Variants in LETM1 observed in about 807,000 individuals in gnomAD.
The protein encoded by LETM1 is leucine zipper and EF-hand containing transmembrane protein 1.
Under a neutral mutation model 74.5 loss-of-function variants are expected in LETM1, and 50 were observed. The ratio of observed to expected loss-of-function variants is 0.67; its 90% CI spans 0.53 to 0.85. LETM1 has a LOEUF of 0.85. LETM1 is among the 40% of genes least tolerant of loss of function. The pLI is 0.00. For missense variants in LETM1, 824 were observed against 967.8 expected, an observed-to-expected ratio of 0.85 and a Z score of 1.97; for synonymous variants, 446 against 407.1, an observed-to-expected ratio of 1.10 and a Z score of -1.15.
rs767063439 is a variant in LETM1, at chr4:1,822,289, C to G, written c.1500G>C (p.Val500=). The change falls in exon 10 of 14, where the codon GTG becomes GTC. Residue 500 remains valine, a synonymous_variant. Coordinates refer to ENST00000302787, the MANE Select transcript of LETM1 (RefSeq NM_012318.3). ...TCCCCGGCCTTTGGGGAGCAGCTACCACACGTTCGGGCTCAAAATCCTTCT... is the reference window on the plus strand; with the variant it reads ...TCCCCGGCCTTTGGGGAGCAGCTACGACACGTTCGGGCTCAAAATCCTTCT... ...EVAKDFEPER[V]VAAPQRPGTE... is the part of the protein sequence containing the mutation. 7 of 1,529,838 alleles carry G rather than the reference C, an allele frequency of 4.6e-6. No individual in the cohort carries two copies. Among genetic ancestry groups the G allele is most frequent in the Admixed American group, 1.9e-5 (1 of 52,126 alleles). 94.8% of individuals were successfully genotyped at this position (1,529,838 alleles called of 1,614,324 possible).
In LETM1 at chr4:1,814,582, G is replaced by A. The variant is rs753284434; in HGVS notation, c.2071-9C>T. 1 of 1,612,212 alleles carries A rather than the reference G, an allele frequency of 6.2e-7. No homozygotes were observed. Among genetic ancestry groups the A allele is most frequent in the South Asian group, 1.1e-5 (1 of 90,788 alleles). ...TCCACCAGCTCAATCACCTACACAC[G>A]TGGGAAAGGGAGAGGCTCAGGTGGC... On this transcript the variant is annotated splice_polypyrimidine_tract_variant and intron_variant, in intron 13 of 13. Coordinates refer to ENST00000302787, the MANE Select transcript of LETM1 (RefSeq NM_012318.3).
In LETM1 at chr4:1,855,883, T is replaced by A. The variant is rs1320756932; in HGVS notation, c.68A>T (p.Tyr23Phe). 2 of 1,237,956 alleles carry A rather than the reference T, an allele frequency of 1.6e-6. No individual in the cohort carries two copies. The highest frequency in any genetic ancestry group is 2.0e-6 in the Non-Finnish European group (2 of 993,504). The allele number at this position is 1,237,956 out of a possible 1,614,324, so 76.7% of individuals were successfully genotyped here. Residue 23 changes from tyrosine (Y) to phenylalanine (F), a missense_variant, in exon 1 of 14, where the codon TAC becomes TTC. By Grantham distance (22) the Tyr-to-Phe change is conservative (BLOSUM62 3). Transcript: ENST00000302787. ...APARLPPPPR[Y>F]TVPRGSPGDP... ...CCGCCGCTTACCCCGCGGGACGGTG[T>A]ACCGAGGCGGCGGCGGGAGGCGGGC...
rs535548688 is a variant in LETM1 at position 1,820,221 on chromosome 4, C to G, written c.1609-749G>C. Among the ~76,000 whole-genome samples the G allele has an allele frequency of 3.9e-5, 6 of 152,292 alleles. No individual in the cohort carries two copies. In the South Asian group the frequency reaches 1.2e-3, roughly 32 times the overall value. ...ACAGTGCTGATATCACAGGTGTGGG[C>G]CCCGCGCCCAGCCTCTCTGTTTGGT... On this transcript the variant is annotated intron_variant, in intron 10 of 13. Transcript: ENST00000302787.
chr4:1,836,541 A>G lies in LETM1; in HGVS notation c.626T>C (p.Leu209Pro). 1.9e-6 allele frequency: 3 copies of G among 1,614,020 alleles called. No homozygotes were observed. The highest frequency in any genetic ancestry group is 2.5e-6 in the Non-Finnish European group (3 of 1,180,006). ...FLRICADLFR[L>P]VPFLVFVVVP... ...CACCACGAACACAAGGAACGGCACC[A>G]GGCGGAAGAGGTCAGCGCAGATCCG... Residue 209 changes from leucine to proline, a missense_variant, in exon 4 of 14, where the codon CTG (leucine) becomes CCG (proline). Around this residue, in one of 4 missense-constraint regions of LETM1, gnomAD observed 269 missense variants for 348.8 expected, o/e 0.77. Transcript: ENST00000302787. This position sits in a 1 kb window ranked among gnomAD's most constrained non-coding sequence, Gnocchi z 5.8.
Position 1,817,073 on chromosome 4 carries a change from C to T in LETM1, c.1744-159G>A, listed in dbSNP as rs531945380. The stretch of plus-strand genomic sequence containing the variant: ...CCAGCCTGGCCAATGTGGTGAAACC[C>T]CGCCTCTACTAAAAATACAAAAATT... On this transcript the variant is annotated intron_variant, in intron 11 of 13. Coordinates refer to ENST00000302787, the MANE Select transcript of LETM1 (RefSeq NM_012318.3). 3.9e-5 allele frequency among the ~76,000 whole-genome samples: 6 copies of T among 151,958 alleles called. No homozygotes were observed. The South Asian group carries it at 1.0e-3, about 26-fold the overall frequency.
At chr4:1,815,425 G>A (rs1446310061) in intron 13 of LETM1, among the ~76,000 whole-genome samples, 3 of 152,248 alleles carry the variant, frequency 2.0e-5, no homozygotes, top group East Asian at 1.9e-4. Flanking sequence ...AGGGACATGC[G>A]TAGCCACTAG....
At chr4:1,855,575 G>A (rs1005050118) in intron 1 of LETM1, among the ~76,000 whole-genome samples, 1 of 152,264 alleles carries the variant, frequency 6.6e-6, no homozygotes, top group South Asian at 2.1e-4. Flanking sequence ...TACTCGCGCA[G>A]GGCGCGCCAG....
intron 3 of LETM1, among the ~76,000 whole-genome samples, chr4:1,840,799 G>A (rs1347784662): frequency 1.3e-5 from 2 of 152,078 alleles, no homozygotes; most frequent in African/African-American, 4.8e-5. Context: ...ACTGGTAGGG[G>A]GCACCTTGGG....
intron 6 of LETM1, among the ~76,000 whole-genome samples, chr4:1,831,972 T>C (rs184875641): frequency 6.6e-6 from 1 of 152,322 alleles, no homozygotes; most frequent in Non-Finnish European, 1.5e-5. Flanking sequence ...CAGTTTTACC[T>C]GAGAACTGAA....
intron 9 of LETM1, chr4:1,822,765 A>G: frequency 2.4e-6 from 1 of 408,230 alleles, no homozygotes; most frequent in Non-Finnish European, 4.2e-6. Context: ...GCTAAGGTAT[A>G]TCTCCCATGA....
chr4:1,815,863 G>A, intron 12 of LETM1, 61 bp from the exon 13 acceptor site: 2 of 1,591,242 alleles, frequency 1.3e-6, no homozygotes, highest in Non-Finnish European at 1.7e-6. Context: ...GGGCCTCACT[G>A]CCCACACCTG....
intron 6 of LETM1, among the ~76,000 whole-genome samples, chr4:1,829,329 G>A (rs538611125): frequency 2.7e-5 from 4 of 147,578 alleles, no homozygotes; most frequent in Admixed American, 6.7e-5. Context: ...CAGACGGGGC[G>A]GCTGGCCAGG....
At position 1,836,605 on chromosome 4, in the gene LETM1, G is replaced by T. The variant is rs1226228375; in HGVS notation, c.595-33C>A. ...GGGCGGAATCCATCAGAGGGGAGCA[G>T]AGCACATGTGGGAACAAGGGCAAGG... On this transcript the variant is annotated intron_variant, in intron 3 of 13. Transcript: ENST00000302787. This position sits in a 1 kb window ranked among gnomAD's most constrained non-coding sequence, Gnocchi z 5.8. 2.5e-6 allele frequency: 4 copies of T among 1,610,884 alleles called. No individual in the cohort carries two copies. In the Admixed American group the frequency reaches 6.7e-5, roughly 27 times the overall value.
chr4:1,814,520 A>T lies in LETM1; in HGVS notation c.2124T>A (p.Ala708=), dbSNP rs1298312246. The change falls in exon 14 of 14, where the codon GCT becomes GCA. Residue 708 remains alanine, a synonymous_variant. Coordinates refer to ENST00000302787, the MANE Select transcript of LETM1 (RefSeq NM_012318.3). The part of the protein sequence containing the change: ...EDVHISTSQV[A]EIVATLEKEE... ...CTTTTTCCAGTGTTGCTACAATCTCAGCCACCTGGCTGGTGGAGATGTGAA... is the reference window on the plus strand; with the variant it reads ...CTTTTTCCAGTGTTGCTACAATCTCTGCCACCTGGCTGGTGGAGATGTGAA... 6.2e-7 allele frequency: 1 copy of T among 1,613,956 alleles called. No homozygotes were observed. The highest frequency in any genetic ancestry group is 8.5e-7 in the Non-Finnish European group (1 of 1,179,874).
chr4:1,828,415 C>T (rs1350185572), intron 6 of LETM1, among the ~76,000 whole-genome samples: 17 of 114,046 alleles, frequency 1.5e-4, no homozygotes, highest in African/African-American at 5.7e-4. Flanking sequence ...GGCGGCTGGC[C>T]GGGCAGAGGG....
intron 1 of LETM1, among the ~76,000 whole-genome samples, chr4:1,854,905 G>A (rs939969067): frequency 1.3e-5 from 2 of 152,078 alleles, no homozygotes; most frequent in Non-Finnish European, 2.9e-5. Context: ...TATTGAAGCT[G>A]GGTGCCTGGG....
At chr4:1,846,850 C>T (rs75163954) in intron 2 of LETM1, among the ~76,000 whole-genome samples, 2 of 152,148 alleles carry the variant, frequency 1.3e-5, no homozygotes, top group Non-Finnish European at 2.9e-5. Context: ...ACTAAGATCA[C>T]AGCCATAAAC....
At position 1,816,483 on chromosome 4, in the gene LETM1, G is replaced by A. The variant is rs1292969296; in HGVS notation, c.1931+244C>T. ...AGCCAACAGAGGTGGAGGTTGGAGC[G>A]GGAGGAGAGGGGGCTGTGGGAAGAG... On this transcript the variant is annotated intron_variant, in intron 12 of 13. Transcript: ENST00000302787. 2.0e-5 allele frequency among the ~76,000 whole-genome samples: 3 copies of A among 152,220 alleles called. No homozygotes were observed. In the East Asian group the frequency reaches 5.8e-4, roughly 29 times the overall value.
At chr4:1,838,896 G>A (rs943083203) in intron 3 of LETM1, among the ~76,000 whole-genome samples, 2 of 152,054 alleles carry the variant, frequency 1.3e-5, no homozygotes, top group African/African-American at 4.8e-5. Context: ...CTGTGCTGAA[G>A]AAACTAGCTC....
Sources: gnomAD v4.1 joint callset for allele counts (sites outside exome capture counted in the v4.1 genomes callset) on GRCh38, gnomAD v4.1.1 for gene constraint, gnomAD v4.1.1 regional missense constraint, Gnocchi (gnomAD v3.1) non-coding constraint, MANE v1.5 for transcripts, NCBI Gene and HGNC (gene_info 2026-07-23, HGNC 2026-07-21) for gene names.